RAD50: variants seen among roughly 807,000 people sequenced by gnomAD.
The protein encoded by RAD50 is DNA repair protein RAD50.
A neutral mutation model predicts 168.8 loss-of-function variants in RAD50; 132 were observed. The ratio of observed to expected loss-of-function variants is 0.78; its 90% CI spans 0.68 to 0.90. RAD50 has a LOEUF of 0.90. Among genes scored for constraint, RAD50 ranks in the 40% least tolerant of loss-of-function variants. RAD50 has a pLI of 0.00. For missense variants in RAD50, 1,347 were observed against 1,534.4 expected (o/e 0.88, Z 2.04); for synonymous variants, 525 against 497.4 (o/e 1.06, Z -0.74).
At chr5:132,601,989 G>A (rs1750897442) in intron 13 of RAD50, among the ~76,000 whole-genome samples, 1 of 152,074 alleles carries the variant, frequency 6.6e-6, no homozygotes, top group African/African-American at 2.4e-5. Flanking sequence ...GCTGGTGGGG[G>A]GCTAGGGGAG....
intron 2 of RAD50, among the ~76,000 whole-genome samples, chr5:132,567,234 AATGAGTATCACACTTAT>A (rs1393994547): frequency 1.3e-5 from 2 of 152,222 alleles, no homozygotes; most frequent in Non-Finnish European, 2.9e-5. Context: ...GCAACAAAAT[AATGAGTATCACACTTAT>A]ACTCGCAAGA....
chr5:132,622,230 G>A (rs1163174061), intron 21 of RAD50, among the ~76,000 whole-genome samples: 2 of 151,426 alleles, frequency 1.3e-5, no homozygotes, highest in Non-Finnish European at 1.5e-5. Context: ...GCATGATCTC[G>A]GCTCACTGCA....
At chr5:132,588,235 T>C in intron 7 of RAD50, 146 bp downstream of exon 7, 1 of 1,018,834 alleles carries the variant, frequency 9.8e-7, no homozygotes, top group Non-Finnish European at 1.4e-6. Context: ...TATAACATTT[T>C]TATAATGTCA....
intron 11 of RAD50, chr5:132,593,069 C>G (rs2706367): frequency 0.015 from 4,899 of 317,832 alleles, 236 homozygotes; most frequent in African/African-American, 0.098. Flanking sequence ...TGTGAACAGT[C>G]TGTCACTGTG....
intron 1 of RAD50, 93 bp from the exon 2 acceptor site, chr5:132,559,191 A>G (rs1750075843): frequency 8.2e-7 from 1 of 1,212,732 alleles, no homozygotes; most frequent in South Asian, 1.6e-5. Context: ...TATAGTTTCC[A>G]TGATAAATAA....
intron 21 of RAD50, among the ~76,000 whole-genome samples, chr5:132,622,049 G>A (rs1316098633): frequency 1.3e-5 from 2 of 151,750 alleles, no homozygotes; most frequent in Non-Finnish European, 2.9e-5. Context: ...TAAATATCTT[G>A]TTAAATAAAT....
intron 5 of RAD50, among the ~76,000 whole-genome samples, chr5:132,584,779 G>C (rs1750564859): frequency 6.6e-6 from 1 of 152,082 alleles, no homozygotes; most frequent in Non-Finnish European, 1.5e-5. Flanking sequence ...AAAATGATGA[G>C]TTCATGTCCT....
At position 132,591,920 on chromosome 5, in the gene RAD50, G is replaced by T. The variant is rs763571038; in HGVS notation, c.1679G>T (p.Ser560Ile). ...EQIRKIKSRH[S>I]DELTSLLGYF... ...ATCAGAAAAATAAAATCTAGGCACAGTGATGAATTAACCTCACTGTTGGGA... is the reference window on the plus strand; with the variant it reads ...ATCAGAAAAATAAAATCTAGGCACATTGATGAATTAACCTCACTGTTGGGA... The change falls in exon 11 of 25, where the codon AGT (serine) becomes ATT (isoleucine). Residue 560 changes from serine (S) to isoleucine (I), a missense_variant. This residue lies in a region of RAD50 where 703 missense variants were observed against 767.7 expected (regional missense o/e 0.92). Transcript: ENST00000378823. 6.2e-6 allele frequency: 10 copies of T among 1,609,176 alleles called. No homozygotes were observed. In the African/African-American group the frequency reaches 1.1e-4, roughly 17 times the overall value.
chr5:132,577,160 C>T (rs1298300743), intron 3 of RAD50, among the ~76,000 whole-genome samples: 1 of 152,164 alleles, frequency 6.6e-6, no homozygotes, highest in Non-Finnish European at 1.5e-5. Flanking sequence ...CTTGTTCTTT[C>T]CGTCTTTTAG....
chr5:132,639,047 C>T (rs1751656681), intron 23 of RAD50, among the ~76,000 whole-genome samples: 1 of 152,108 alleles, frequency 6.6e-6, no homozygotes, highest in Non-Finnish European at 1.5e-5. Context: ...TCATAGTTTG[C>T]AGTTTTTGCT....
intron 2 of RAD50, among the ~76,000 whole-genome samples, chr5:132,561,520 A>T (rs1750123455): frequency 6.6e-6 from 1 of 152,148 alleles, no homozygotes; most frequent in South Asian, 2.1e-4. Flanking sequence ...CCAGTGTGAC[A>T]CAAGAGTTGG....
Position 132,603,947 on chromosome 5 carries a change from AT to A in RAD50, c.2427del (p.Ile809MetfsTer11). On this transcript the variant is annotated frameshift_variant, in exon 15 of 25. Coordinates refer to ENST00000378823, the MANE Select transcript of RAD50 (RefSeq NM_005732.4). LOFTEE classifies it high-confidence loss of function. ...QMELKDVERK[I>X]AQQAAKLQGI... The stretch of plus-strand genomic sequence containing the variant: ...GGAACTTAAAGATGTTGAAAGAAAA[AT>A]TGCACAACAAGCAGCTAAGCTACAA... 6.2e-7 allele frequency: 1 copy of A among 1,609,596 alleles called. No homozygotes were observed. Among genetic ancestry groups the A allele is most frequent in the East Asian group, 2.2e-5 (1 of 44,798 alleles).
chr5:132,620,151 T>G (rs903121530), intron 21 of RAD50, among the ~76,000 whole-genome samples: 2 of 151,958 alleles, frequency 1.3e-5, no homozygotes, highest in South Asian at 4.1e-4. Flanking sequence ...GTGATCCACC[T>G]GTATTGGCCT....
chr5:132,614,063 G>T (rs1368087600), intron 19 of RAD50, among the ~76,000 whole-genome samples: 1 of 152,010 alleles, frequency 6.6e-6, no homozygotes, highest in Admixed American at 6.6e-5. Context: ...CTCTTGATGT[G>T]GTATATACTG....
rs1311358517 is a variant in RAD50, at chr5:132,587,663, T to C, written c.858T>C (p.Asn286=). The part of the protein sequence containing the change: ...DSRKKQMEKD[N]SELEEKMEKV... ...GAAAGAAGCAAATGGAGAAAGATAA[T>C]AGTGAACTGGAAGAGAAAATGGAAA... Residue 286 remains asparagine, a synonymous_variant, in exon 6 of 25, where the codon AAT becomes AAC. Transcript: ENST00000378823. 1 of 1,613,666 alleles carries C rather than the reference T, an allele frequency of 6.2e-7. No homozygotes were observed. The highest frequency in any genetic ancestry group is 1.3e-5 in the African/African-American group (1 of 74,904).
In RAD50 at chr5:132,591,336, A is replaced by T; in HGVS notation, c.1565A>T (p.Asp522Val). Reference sequence around the variant, plus strand: ...TTAGACAGGACCCTGCGTAAACTTGACCAGGAGATGGAGCAGTTAAACCAT... The same window carrying T: ...TTAGACAGGACCCTGCGTAAACTTGTCCAGGAGATGGAGCAGTTAAACCAT... ...ADLDRTLRKL[D>V]QEMEQLNHHT... Residue 522 changes from aspartate to valine, a missense_variant, in exon 10 of 25, where the codon GAC (aspartate) becomes GTC (valine). Asp to Val is a radical substitution (Grantham distance 152). Around this residue, in one of 3 missense-constraint regions of RAD50, gnomAD observed 703 missense variants for 767.7 expected, o/e 0.92. Coordinates refer to ENST00000378823, the MANE Select transcript of RAD50 (RefSeq NM_005732.4). The T allele has an allele frequency of 6.2e-7, 1 of 1,614,000 alleles. No individual in the cohort carries two copies.
At chr5:132,616,884 G>A (rs1008457771) in intron 20 of RAD50, among the ~76,000 whole-genome samples, 5 of 152,088 alleles carry the variant, frequency 3.3e-5, no homozygotes, top group African/African-American at 1.2e-4. Flanking sequence ...AAAATGCCCA[G>A]GCTTTTCTAA....
intron 12 of RAD50, 147 bp downstream of exon 12, chr5:132,595,191 T>C (rs1027233182): frequency 6.8e-6 from 6 of 876,392 alleles, no homozygotes; most frequent in Admixed American, 2.5e-5. Context: ...TTACTCACTG[T>C]GTGACTTTAG....
chr5:132,624,636 C>T (rs1469567399), intron 21 of RAD50, among the ~76,000 whole-genome samples: 1 of 152,018 alleles, frequency 6.6e-6, no homozygotes, highest in East Asian at 1.9e-4. Context: ...TAGTGGCTTA[C>T]GCCTGTAATC....
Sources: gnomAD v4.1 joint callset for allele counts (sites outside exome capture counted in the v4.1 genomes callset) on GRCh38, gnomAD v4.1.1 for gene constraint, gnomAD v4.1.1 regional missense constraint, MANE v1.5 for transcripts, NCBI Gene and HGNC (gene_info 2026-07-23, HGNC 2026-07-21) for gene names.